GRIN2B: variants seen among roughly 807,000 people sequenced by gnomAD.
The protein encoded by GRIN2B is glutamate receptor ionotropic, NMDA 2B.
Under a neutral mutation model 114.5 loss-of-function variants are expected in GRIN2B, and 5 were observed. The ratio of observed to expected loss-of-function variants is 0.04; its 90% CI spans 0.02 to 0.09. The LOEUF (loss-of-function observed/expected upper bound fraction) is 0.09. GRIN2B is among the 10% of genes least tolerant of loss of function. GRIN2B has a pLI of 1.00. For missense variants in GRIN2B, 1,108 were observed against 1,943.5 expected (o/e 0.57, Z 8.08); for synonymous variants, 787 against 745.1 (o/e 1.06, Z -0.92).
chr12:13,860,566 C>T (rs1203393425), intron 3 of GRIN2B, among the ~76,000 whole-genome samples: 2 of 152,190 alleles, frequency 1.3e-5, no homozygotes, highest in Middle Eastern at 3.2e-3. Context: ...TTAGGGTGAT[C>T]TGCCTGCCTC....
chr12:13,937,282 T>G (rs1591631331), intron 2 of GRIN2B, among the ~76,000 whole-genome samples: 1 of 152,018 alleles, frequency 6.6e-6, no homozygotes, highest in East Asian at 1.9e-4. Context: ...GCCAATTTGA[T>G]TTTCACTGAC....
intron 2 of GRIN2B, among the ~76,000 whole-genome samples, chr12:13,907,266 G>A (rs1462336319): frequency 6.6e-6 from 1 of 152,176 alleles, no homozygotes; most frequent in Non-Finnish European, 1.5e-5. Flanking sequence ...CAAGATGGAT[G>A]GATCACTTGA....
intron 3 of GRIN2B, among the ~76,000 whole-genome samples, chr12:13,773,465 T>G (rs1345227900): frequency 6.6e-6 from 1 of 152,196 alleles, no homozygotes; most frequent in Non-Finnish European, 1.5e-5. Flanking sequence ...TTCTTTAAGG[T>G]GAACACAGAG....
rs1866048433 is a variant in GRIN2B, at chr12:13,880,118, CTAAGGCAGTA to C, written c.-18-13902_-18-13893del. 3.9e-5 allele frequency among the ~76,000 whole-genome samples: 6 copies of C among 152,296 alleles called. No homozygotes were observed. In the South Asian group the frequency reaches 1.2e-3, roughly 32 times the overall value. On this transcript the variant is annotated intron_variant, in intron 2 of 13. Transcript: ENST00000609686. ...AGGACTGTCAGGGCCGCAGAGAGGG[CTAAGGCAGTA>C]TAAAGACAAGGGCACAGGGACTGCC...
At chr12:13,571,020 G>A (rs1247197226) in intron 11 of GRIN2B, among the ~76,000 whole-genome samples, 2 of 152,138 alleles carry the variant, frequency 1.3e-5, no homozygotes, top group African/African-American at 4.8e-5. Context: ...TTCTGTGACT[G>A]TATTTATGGT....
At chr12:13,874,070 CA>C (rs1429757825) in intron 2 of GRIN2B, among the ~76,000 whole-genome samples, 1 of 152,160 alleles carries the variant, frequency 6.6e-6, no homozygotes, top group Non-Finnish European at 1.5e-5. Context: ...CTAAGCCCCC[CA>C]GCTCCTGTAG....
intron 4 of GRIN2B, among the ~76,000 whole-genome samples, chr12:13,747,926 C>T (rs1205830943): frequency 6.6e-6 from 1 of 152,092 alleles, no homozygotes; most frequent in South Asian, 2.1e-4. Context: ...AATGAGGATC[C>T]CATGAGAACA....
At chr12:13,692,851 G>A (rs564744004) in intron 4 of GRIN2B, among the ~76,000 whole-genome samples, 1 of 133,158 alleles carries the variant, frequency 7.5e-6, no homozygotes, top group African/African-American at 2.9e-5. Context: ...TCACTGCAAC[G>A]TCCACCTCCT....
rs537027699 is a variant in GRIN2B at position 13,538,799 on chromosome 12, A to T, written c.*23984T>A. ...CTCTCCACTCCAGCCTGGATGACAG[A>T]GCAAGACCCTCTTAAAAAACAAACA... is the stretch of plus-strand genomic sequence containing the variant. On this transcript the variant is annotated 3_prime_UTR_variant, in exon 14 of 14. Coordinates refer to ENST00000609686, the MANE Select transcript of GRIN2B (RefSeq NM_000834.5). 1.3e-5 allele frequency: 2 copies of T among 152,054 alleles called. No homozygotes were observed. The highest frequency in any genetic ancestry group is 3.9e-4 in the East Asian group (2 of 5,174). The allele number at this position is 152,054 out of a possible 1,614,324, so 9.4% of individuals were successfully genotyped here.
chr12:13,885,346 AC>A (rs1436583648), intron 2 of GRIN2B, among the ~76,000 whole-genome samples: 1 of 152,218 alleles, frequency 6.6e-6, no homozygotes, highest in African/African-American at 2.4e-5. Flanking sequence ...TTAAGTGTCA[AC>A]TAAATGAAGA....
At chr12:13,766,081 A>G (rs1863780272) in intron 3 of GRIN2B, among the ~76,000 whole-genome samples, 1 of 152,076 alleles carries the variant, frequency 6.6e-6, no homozygotes, top group Non-Finnish European at 1.5e-5. Flanking sequence ...ACACATTATT[A>G]CTCTGCAGTG....
intron 3 of GRIN2B, among the ~76,000 whole-genome samples, chr12:13,759,450 C>T (rs1863639196): frequency 6.6e-6 from 1 of 152,148 alleles, no homozygotes; most frequent in Non-Finnish European, 1.5e-5. Context: ...ATGCTATAGT[C>T]ACTTATTTAC....
intron 4 of GRIN2B, among the ~76,000 whole-genome samples, chr12:13,711,244 C>T (rs1445804968): frequency 6.6e-6 from 1 of 151,936 alleles, no homozygotes; most frequent in African/African-American, 2.4e-5. Context: ...GGATTAAAGA[C>T]TTACATGTTA....
At chr12:13,965,557 C>CCACACACACA (rs138577851) in intron 2 of GRIN2B, among the ~76,000 whole-genome samples, 154 of 150,280 alleles carry the variant, frequency 1.0e-3, no homozygotes, top group Admixed American at 6.0e-3. Flanking sequence ...AGATTACACA[C>CCACACACACA]CACACACACA....
intron 2 of GRIN2B, among the ~76,000 whole-genome samples, chr12:13,914,120 G>A (rs781237276): frequency 6.6e-6 from 1 of 152,132 alleles, no homozygotes; most frequent in Non-Finnish European, 1.5e-5. Context: ...GGTTGAGCAC[G>A]ATCCAGGCTC....
chr12:13,845,635 T>C (rs1251324716), intron 3 of GRIN2B, among the ~76,000 whole-genome samples: 1 of 152,172 alleles, frequency 6.6e-6, no homozygotes, highest in Non-Finnish European at 1.5e-5. Context: ...TCCTCTATTG[T>C]AAAATAAGGG....
intron 3 of GRIN2B, among the ~76,000 whole-genome samples, chr12:13,859,742 T>C (rs931504868): frequency 6.6e-6 from 1 of 152,224 alleles, no homozygotes; most frequent in African/African-American, 2.4e-5. Flanking sequence ...TCTGATTTAG[T>C]TTCCCCATCA....
chr12:13,937,084 TAA>T (rs35666762), intron 2 of GRIN2B, among the ~76,000 whole-genome samples: 1 of 18,572 alleles, frequency 5.4e-5, no homozygotes, highest in African/African-American at 1.8e-4. Context: ...AGCACAGAAA[TAA>T]AAAAAAAAAA....
intron 2 of GRIN2B, among the ~76,000 whole-genome samples, chr12:13,942,072 C>T (rs1311661272): frequency 1.3e-5 from 2 of 152,160 alleles, no homozygotes; most frequent in Non-Finnish European, 2.9e-5. Flanking sequence ...CTGCTTTTAC[C>T]GTCTTCCACG....
Sources: allele counts gnomAD v4.1 joint callset (sites outside exome capture counted in the v4.1 genomes callset), GRCh38; gene constraint gnomAD v4.1.1; transcripts MANE v1.5; gene names NCBI Gene and HGNC (gene_info 2026-07-23, HGNC 2026-07-21).